Variants in XKRX observed in about 807,000 individuals in gnomAD.
XKRX encodes the protein XK-related protein 2.
XKRX carries 11 observed loss-of-function variants against 22.4 expected under a neutral mutation model. The observed-to-expected ratio is 0.49, with a 90% confidence interval of 0.31 to 0.81. XKRX has a LOEUF of 0.81. Ranked by LOEUF, XKRX falls within the 40% of genes least tolerant of loss-of-function variation. The pLI is 0.05. For missense variants in XKRX, 320 were observed against 336.5 expected, an observed-to-expected ratio of 0.95 and a Z score of 0.38; for synonymous variants, 114 against 132.2, an observed-to-expected ratio of 0.86 and a Z score of 0.94.
At chrX:100,909,750 A>T (rs1382248574), downstream of XKRX, among the ~76,000 whole-genome samples, 1 of 110,168 alleles carries the variant, frequency 9.1e-6, no homozygotes, top group Non-Finnish European at 1.9e-5. Context: ...CAAAAATACA[A>T]AAATCAGCTG....
At chrX:100,942,587 C>A in the XKRX span, among the ~76,000 whole-genome samples, 1 of 111,989 alleles carries the variant, frequency 8.9e-6, no homozygotes, top group Non-Finnish European at 1.9e-5. Flanking sequence ...CCTGTAGACC[C>A]TGTACATGAA....
At chrX:100,950,503 AG>A in the XKRX span, among the ~76,000 whole-genome samples, 1 of 112,233 alleles carries the variant, frequency 8.9e-6, no homozygotes, top group African/African-American at 3.2e-5. Context: ...AAAAGGATAT[AG>A]AAGGACTGAA....
upstream of XKRX, among the ~76,000 whole-genome samples, chrX:100,930,002 A>G (rs2085515737): frequency 9.0e-6 from 1 of 111,275 alleles, no homozygotes; most frequent in Non-Finnish European, 1.9e-5. Context: ...AATAATATAG[A>G]TGAAGGCCAG....
the XKRX span, among the ~76,000 whole-genome samples, chrX:100,905,445 T>G: frequency 2.7e-5 from 3 of 112,191 alleles, no homozygotes; most frequent in Admixed American, 2.8e-4. Flanking sequence ...ATCATTTTCA[T>G]ACATATTTAC....
chrX:100,894,673 A>G, the XKRX span, among the ~76,000 whole-genome samples: 1 of 111,198 alleles, frequency 9.0e-6, no homozygotes, highest in African/African-American at 3.3e-5. Context: ...TGGTCTTCCA[A>G]TGTTCTTCAG....
the XKRX span, among the ~76,000 whole-genome samples, chrX:100,891,775 G>GAAAGAAAGAAAGAAAGAAAGAAAGAAAGA: frequency 9.7e-6 from 1 of 102,567 alleles, no homozygotes; most frequent in Non-Finnish European, 2.0e-5. Context: ...AAGAAAGAAA[G>GAAAGAAAGAAAGAAAGAAAGAAAGAAAGA]AAAGAAAGAA....
the XKRX span, among the ~76,000 whole-genome samples, chrX:100,904,161 G>A: frequency 8.9e-6 from 1 of 111,806 alleles, no homozygotes; most frequent in Admixed American, 9.5e-5. Context: ...AGTAGAGATA[G>A]CCCAGAAATA....
the XKRX span, among the ~76,000 whole-genome samples, chrX:100,945,934 C>T: frequency 0.25 from 27,793 of 110,009 alleles, 3,278 homozygotes; most frequent in East Asian, 0.58. Context: ...GCCTGTAATC[C>T]CAGCACTTTG....
Position 100,923,077 on chromosome X carries a change from A to G in XKRX, c.336-16T>C, listed in dbSNP as rs1463176495. ...CTCCAAACATCTGCAGAAGTAAAGCATCATGCAAACTTAACTAAGCTGTCC... is the reference window on the plus strand; with the variant it reads ...CTCCAAACATCTGCAGAAGTAAAGCGTCATGCAAACTTAACTAAGCTGTCC... On this transcript the variant is annotated splice_polypyrimidine_tract_variant and intron_variant, in intron 1 of 2. Coordinates refer to ENST00000372956, the MANE Select transcript of XKRX (RefSeq NM_212559.3). The G allele has an allele frequency of 8.3e-7, 1 of 1,207,929 alleles. No individual in the cohort carries two copies. Among genetic ancestry groups the G allele is most frequent in the East Asian group, 3.0e-5 (1 of 33,755 alleles).
chrX:100,954,751 AAACATGCCAC>A, the XKRX span, among the ~76,000 whole-genome samples: 1 of 112,752 alleles, frequency 8.9e-6, no homozygotes, highest in African/African-American at 3.2e-5. Context: ...TAAATTACTG[AAACATGCCAC>A]AACATGGATG....
upstream of XKRX, among the ~76,000 whole-genome samples, chrX:100,931,232 CCTT>C (rs1199235685): frequency 9.0e-5 from 10 of 110,619 alleles, no homozygotes; most frequent in Admixed American, 7.7e-4. Context: ...AGCCTTTCCT[CCTT>C]CTTCTCCATG....
At chrX:100,954,139 C>T in the XKRX span, among the ~76,000 whole-genome samples, 3 of 110,978 alleles carry the variant, frequency 2.7e-5, no homozygotes, top group African/African-American at 9.8e-5. Flanking sequence ...AAAATGACAG[C>T]CGGGCGCAGT....
rs2085508743 is a variant in XKRX, at chrX:100,928,637, T to G, written c.-333A>C. ...CATCCAGAGTCCAACTCCAGGGACG[T>G]GAAGAGTCATGAGAACAGCGGCTTC... On this transcript the variant is annotated 5_prime_UTR_variant, in exon 1 of 3. Coordinates refer to ENST00000372956, the MANE Select transcript of XKRX (RefSeq NM_212559.3). 58 of 838,578 alleles carry G rather than the reference T, an allele frequency of 6.9e-5. No homozygotes were observed. The highest frequency in any genetic ancestry group is 8.3e-5 in the Non-Finnish European group (58 of 695,982). 69.1% of individuals were successfully genotyped at this position (838,578 alleles called of 1,213,427 possible). A position where few individuals can be genotyped will look rare whatever the true frequency, so the allele number is the denominator to read the frequency against.
intron 2 of XKRX, among the ~76,000 whole-genome samples, chrX:100,917,630 GAAAGAAGAAAGA>G (rs2085444490): frequency 1.6e-5 from 1 of 61,733 alleles, no homozygotes; most frequent in South Asian, 1.1e-3. Flanking sequence ...GAAAGAGAAA[GAAAGAAGAAAGA>G]AAGAAAGAAA....
At chrX:100,921,894 C>T (rs1174803712) in intron 2 of XKRX, among the ~76,000 whole-genome samples, 1 of 91,063 alleles carries the variant, frequency 1.1e-5, no homozygotes, top group Non-Finnish European at 2.1e-5. Flanking sequence ...AGTGCAGTGA[C>T]GCGATCTCGG....
chrX:100,946,234 A>C, the XKRX span, among the ~76,000 whole-genome samples: 1 of 111,226 alleles, frequency 9.0e-6, no homozygotes, highest in Non-Finnish European at 1.9e-5. Context: ...AGAGTAAGTA[A>C]GTAATAAATG....
chrX:100,889,124 C>T, the XKRX span, among the ~76,000 whole-genome samples: 1 of 107,305 alleles, frequency 9.3e-6, no homozygotes, highest in Non-Finnish European at 1.9e-5. Context: ...CCTGTAGTCC[C>T]AGCTACTAGG....
At chrX:100,953,457 G>A in the XKRX span, among the ~76,000 whole-genome samples, 2 of 110,278 alleles carry the variant, frequency 1.8e-5, no homozygotes, top group East Asian at 5.7e-4. Context: ...GAGACCAAAG[G>A]CACAAGCAAA....
the XKRX span, among the ~76,000 whole-genome samples, chrX:100,936,890 T>C: frequency 1.9e-5 from 2 of 106,499 alleles, no homozygotes; most frequent in African/African-American, 6.9e-5. Context: ...CACGTGGAAA[T>C]TACAATTCGA....
Sources: gnomAD v4.1 joint callset for allele counts (sites outside exome capture counted in the v4.1 genomes callset) on GRCh38, gnomAD v4.1.1 for gene constraint, MANE v1.5 for transcripts, NCBI Gene and HGNC (gene_info 2026-07-23, HGNC 2026-07-21) for gene names.